The following PRKCE variants were observed in gnomAD, a reference collection of about 807,000 sequenced individuals.
The protein encoded by PRKCE is protein kinase C epsilon.
Under a neutral mutation model 85.4 loss-of-function variants are expected in PRKCE, and 16 were observed. That is an observed-to-expected ratio of 0.19 (90% CI 0.13 to 0.28). The LOEUF (loss-of-function observed/expected upper bound fraction) is 0.28, where lower values mean the gene tolerates loss of function less well. PRKCE is among the 10% of genes least tolerant of loss of function. PRKCE has a pLI of 1.00. For synonymous variants in PRKCE, 388 were observed against 371.5 expected, an observed-to-expected ratio of 1.04 and a Z score of -0.51; for missense variants, 573 against 975.2, an observed-to-expected ratio of 0.59 and a Z score of 5.49.
At chr2:46,020,929 T>A (rs1486968990) in intron 10 of PRKCE, among the ~76,000 whole-genome samples, 4 of 152,184 alleles carry the variant, frequency 2.6e-5, no homozygotes, top group Non-Finnish European at 4.4e-5. Flanking sequence ...CCAAGTCCCA[T>A]GGGATGTAGG....
intron 1 of PRKCE, among the ~76,000 whole-genome samples, chr2:45,669,870 G>C (rs968279692): frequency 2.0e-5 from 3 of 152,134 alleles, no homozygotes; most frequent in Admixed American, 6.6e-5. Context: ...AATTAGCCAG[G>C]CATGGAGGCA....
intron 1 of PRKCE, among the ~76,000 whole-genome samples, chr2:45,729,617 T>A (rs1296929391): frequency 2.0e-5 from 3 of 152,224 alleles, no homozygotes; most frequent in African/African-American, 4.8e-5. Context: ...TGAAGGGATG[T>A]GCATACTCAG....
chr2:45,923,493 T>A (rs1169957771), intron 2 of PRKCE, among the ~76,000 whole-genome samples: 2 of 152,188 alleles, frequency 1.3e-5, no homozygotes, highest in Non-Finnish European at 2.9e-5. Context: ...GAAATTGCCA[T>A]TTGGAGACCA....
intron 1 of PRKCE, among the ~76,000 whole-genome samples, chr2:45,779,620 G>C (rs76355298): frequency 6.8e-6 from 1 of 146,266 alleles, no homozygotes; most frequent in East Asian, 2.0e-4. Context: ...AAAAAAAAAA[G>C]AGAAAATCTC....
chr2:46,017,100 A>G (rs151230922), intron 10 of PRKCE, among the ~76,000 whole-genome samples: 14 of 151,440 alleles, frequency 9.2e-5, no homozygotes, highest in African/African-American at 3.4e-4. Flanking sequence ...TTTTAAGTGT[A>G]CAGTTCAGTG....
rs888408623 is a variant in PRKCE, at chr2:46,098,611, A to C, written c.1592+12249A>C. Among the ~76,000 whole-genome samples, 18 of 152,162 alleles carry C rather than the reference A, an allele frequency of 1.2e-4. 1 individual carries two copies. The highest frequency in any genetic ancestry group is 1.0e-3 in the Admixed American group (16 of 15,284). Reference sequence around the variant, plus strand: ...TGAGGTGTTGGGACCTGTCCTATATAGGGGAATTTGACATCAATATATTTT... The same window carrying C: ...TGAGGTGTTGGGACCTGTCCTATATCGGGGAATTTGACATCAATATATTTT... On this transcript the variant is annotated intron_variant, in intron 11 of 14. Transcript: ENST00000306156.
At chr2:45,908,430 C>T (rs931953491) in intron 2 of PRKCE, among the ~76,000 whole-genome samples, 7 of 152,134 alleles carry the variant, frequency 4.6e-5, no homozygotes, top group Admixed American at 6.5e-5. Context: ...TGACTGGAAG[C>T]GACTGCTCCA....
At chr2:45,835,633 T>A (rs936044453) in intron 1 of PRKCE, among the ~76,000 whole-genome samples, 3 of 150,796 alleles carry the variant, frequency 2.0e-5, no homozygotes, top group Non-Finnish European at 4.4e-5. Context: ...GGATCTCACC[T>A]AGGCTGGAGT....
chr2:46,181,977 A>T (rs1255731174), intron 14 of PRKCE, among the ~76,000 whole-genome samples: 1 of 152,184 alleles, frequency 6.6e-6, no homozygotes, highest in African/African-American at 2.4e-5. Flanking sequence ...CCGGTCTACC[A>T]CATACCTGGG....
intron 1 of PRKCE, among the ~76,000 whole-genome samples, chr2:45,717,616 C>T (rs1392633016): frequency 6.6e-6 from 1 of 152,080 alleles, no homozygotes; most frequent in Admixed American, 6.6e-5. Context: ...AGGCTTTTTT[C>T]CTAATAGTTT....
chr2:45,979,544 T>A (rs972724176), intron 4 of PRKCE, among the ~76,000 whole-genome samples: 1 of 152,206 alleles, frequency 6.6e-6, no homozygotes, highest in Non-Finnish European at 1.5e-5. Context: ...GTTAATTGAC[T>A]ACAAATGCAA....
At chr2:45,923,600 G>A (rs1698411393) in intron 2 of PRKCE, among the ~76,000 whole-genome samples, 2 of 152,200 alleles carry the variant, frequency 1.3e-5, no homozygotes, top group Non-Finnish European at 2.9e-5. Context: ...CCTGTCTTAG[G>A]TGCTGCGGTG....
chr2:45,678,677 C>T (rs980439845), intron 1 of PRKCE, among the ~76,000 whole-genome samples: 1 of 150,528 alleles, frequency 6.6e-6, no homozygotes, highest in African/African-American at 2.5e-5. Context: ...AGAAGTTTAT[C>T]ATGTAATTAT....
At chr2:45,976,998 G>A (rs1702507553) in intron 3 of PRKCE, among the ~76,000 whole-genome samples, 1 of 151,878 alleles carries the variant, frequency 6.6e-6, no homozygotes, top group African/African-American at 2.4e-5. Flanking sequence ...CCAGGTTCAA[G>A]TGATTCTCAT....
intron 2 of PRKCE, 86 bp downstream of exon 2, chr2:45,843,149 A>C: frequency 8.5e-7 from 1 of 1,171,828 alleles, no homozygotes; most frequent in Non-Finnish European, 1.3e-6. Context: ...TGGCCGGAAC[A>C]CATTATAGTG....
intron 1 of PRKCE, among the ~76,000 whole-genome samples, chr2:45,817,104 TGTG>T (rs1689121281): frequency 7.4e-5 from 11 of 148,088 alleles, no homozygotes; most frequent in Admixed American, 6.9e-4. Flanking sequence ...TGTGTGTGTG[TGTG>T]TGTTGTGGGT....
chr2:45,782,344 G>C (rs1187453412), intron 1 of PRKCE, among the ~76,000 whole-genome samples: 1 of 152,156 alleles, frequency 6.6e-6, no homozygotes, highest in Non-Finnish European at 1.5e-5. Context: ...ACCCCAGACA[G>C]ACTTGGGTTC....
At chr2:45,712,569 G>T (rs1373808599) in intron 1 of PRKCE, among the ~76,000 whole-genome samples, 1 of 152,140 alleles carries the variant, frequency 6.6e-6, no homozygotes, top group African/African-American at 2.4e-5. Context: ...CCTTGGCAAG[G>T]CCCATGAAGC....
chr2:46,003,188 G>A (rs1006794236), intron 7 of PRKCE, among the ~76,000 whole-genome samples: 3 of 152,212 alleles, frequency 2.0e-5, no homozygotes, highest in Admixed American at 2.0e-4. Flanking sequence ...CCCTTGGTCT[G>A]AAGCTCAAAG....
Sources: gnomAD v4.1 joint callset for allele counts (sites outside exome capture counted in the v4.1 genomes callset) on GRCh38, gnomAD v4.1.1 for gene constraint, MANE v1.5 for transcripts, NCBI Gene and HGNC (gene_info 2026-07-23, HGNC 2026-07-21) for gene names.